Variants in SORL1 observed in about 807,000 individuals in gnomAD.
SORL1 encodes sortilin related receptor 1, also known as sortilin-related receptor.
Under a neutral mutation model 273.7 loss-of-function variants are expected in SORL1, and 127 were observed. The ratio of observed to expected loss-of-function variants is 0.46; its 90% CI spans 0.40 to 0.54. The LOEUF (loss-of-function observed/expected upper bound fraction) is 0.54. SORL1 is among the 20% of genes least tolerant of loss of function. SORL1 has a pLI of 0.00. For missense variants in SORL1, 2,494 were observed against 2,846.1 expected (o/e 0.88, Z 2.81); for synonymous variants, 1,031 against 1,067.4 (o/e 0.97, Z 0.66).
rs2298813 is a variant in SORL1 at position 121,522,975 on chromosome 11, G to T, written c.1582G>T (p.Ala528Ser). The T allele has an allele frequency of 6.2e-7, 1 of 1,613,206 alleles. No individual in the cohort carries two copies. The highest frequency in any genetic ancestry group is 8.5e-7 in the Non-Finnish European group (1 of 1,179,252). Residue 528 changes from alanine to serine, a missense_variant, in exon 11 of 48, where the codon GCC (alanine) becomes TCC (serine). Ala to Ser is a moderately conservative substitution (Grantham distance 99). This residue lies in a region of SORL1 where 710 missense variants were observed against 882.5 expected (regional missense o/e 0.80). Coordinates refer to ENST00000260197, the MANE Select transcript of SORL1 (RefSeq NM_003105.6). ...TNVYISSSAGARWREALPGPH... is the reference protein window; with the variant it reads ...TNVYISSSAGSRWREALPGPH... ...CGTGTACATCTCTAGCAGTGCTGGA[G>T]CCAGGTGGCGAGAGGTCAGCCCCCT...
intron 27 of SORL1, among the ~76,000 whole-genome samples, chr11:121,587,298 C>T (rs1469592709): frequency 1.3e-5 from 2 of 152,198 alleles, no homozygotes; most frequent in African/African-American, 4.8e-5. Flanking sequence ...GGTGAGCCAG[C>T]AGGCTGGAGA....
chr11:121,601,137 A>C (rs540924534), intron 32 of SORL1, among the ~76,000 whole-genome samples: 4 of 146,016 alleles, frequency 2.7e-5, no homozygotes, highest in Non-Finnish European at 6.0e-5. Context: ...ATGAGTGAGA[A>C]TATGTGGTGT....
chr11:121,606,013 C>T (rs1287361982), intron 35 of SORL1, among the ~76,000 whole-genome samples: 1 of 152,188 alleles, frequency 6.6e-6, no homozygotes, highest in Non-Finnish European at 1.5e-5. Context: ...CCTCAGTCTT[C>T]CCAGGCTCAG....
rs768923531 is a variant in SORL1 at position 121,608,186 on chromosome 11, C to T, written c.5239+10C>T. On this transcript the variant is annotated intron_variant, in intron 38 of 47. Coordinates refer to ENST00000260197, the MANE Select transcript of SORL1 (RefSeq NM_003105.6). Reference sequence around the variant, plus strand: ...ACCATAAAAGGAAAAGGTAAATGATCCCAGCATTTGCAGATTTAGAGAAAA... The same window carrying T: ...ACCATAAAAGGAAAAGGTAAATGATTCCAGCATTTGCAGATTTAGAGAAAA... 4 of 1,602,788 alleles carry T rather than the reference C, an allele frequency of 2.5e-6. No individual in the cohort carries two copies. The highest frequency in any genetic ancestry group is 2.6e-6 in the Non-Finnish European group (3 of 1,170,018).
chr11:121,581,267 T>C (rs1010559687), intron 25 of SORL1, among the ~76,000 whole-genome samples: 8 of 152,226 alleles, frequency 5.3e-5, no homozygotes, highest in African/African-American at 1.9e-4. Flanking sequence ...TTCCCTGTTA[T>C]ACTACTTATT....
intron 34 of SORL1, 57 bp from the exon 35 acceptor site, chr11:121,605,345 A>G: frequency 3.8e-6 from 6 of 1,582,564 alleles, no homozygotes; most frequent in Non-Finnish European, 5.2e-6. Flanking sequence ...GGAGTCAGAC[A>G]TCTCAGCCCC....
In SORL1 at chr11:121,595,572, G is replaced by A. The variant is rs1442594389; in HGVS notation, c.4370-51G>A. ...AGCATATTGATTGGTTGCTGTTATT[G>A]GCCAGCTCCCTCAATATTAAAAAGT... On this transcript the variant is annotated intron_variant, in intron 31 of 47. Coordinates refer to ENST00000260197, the MANE Select transcript of SORL1 (RefSeq NM_003105.6). The surrounding 1 kb of genome is among the most constrained non-coding windows in gnomAD (Gnocchi z 5.1). 6.7e-7 allele frequency: 1 copy of A among 1,489,856 alleles called. No homozygotes were observed. Among genetic ancestry groups the A allele is most frequent in the African/African-American group, 1.4e-5 (1 of 71,906 alleles). 92.3% of individuals were successfully genotyped at this position (1,489,856 alleles called of 1,614,324 possible).
At chr11:121,524,024 G>A (rs926312509) in intron 11 of SORL1, among the ~76,000 whole-genome samples, 7 of 152,214 alleles carry the variant, frequency 4.6e-5, no homozygotes, top group African/African-American at 1.7e-4. Flanking sequence ...CATCCCTCCC[G>A]AGGAGAGAGA....
intron 13 of SORL1, among the ~76,000 whole-genome samples, chr11:121,544,154 A>G (rs1286561555): frequency 3.3e-5 from 5 of 152,100 alleles, no homozygotes; most frequent in African/African-American, 1.2e-4. Flanking sequence ...TAGATACAGG[A>G]TGCATAAGTA....
Position 121,596,203 on chromosome 11 carries a change from A to C in SORL1, c.4519+431A>C, listed in dbSNP as rs938242340. 6.6e-6 allele frequency among the ~76,000 whole-genome samples: 1 copy of C among 152,198 alleles called. No homozygotes were observed. Among genetic ancestry groups the C allele is most frequent in the Non-Finnish European group, 1.5e-5 (1 of 68,040 alleles). On this transcript the variant is annotated intron_variant, in intron 32 of 47. Transcript: ENST00000260197. This position sits in a 1 kb window ranked among gnomAD's most constrained non-coding sequence, Gnocchi z 4.3. ...TTTGCCTCTAGCACCCCATTAAGAA[A>C]ATTCATTCTCAGTCCTTAGGGTAAT...
intron 26 of SORL1, among the ~76,000 whole-genome samples, chr11:121,585,753 TG>T (rs1224794207): frequency 6.6e-6 from 1 of 152,224 alleles, no homozygotes; most frequent in Non-Finnish European, 1.5e-5. Context: ...CTTTGCGTAT[TG>T]TTTTGCACCT....
At chr11:121,544,880 C>T (rs1245631638) in intron 13 of SORL1, among the ~76,000 whole-genome samples, 1 of 152,178 alleles carries the variant, frequency 6.6e-6, no homozygotes, top group African/African-American at 2.4e-5. Context: ...GAACATTAAC[C>T]CCCAATGGTA....
intron 22 of SORL1, among the ~76,000 whole-genome samples, chr11:121,568,083 C>G (rs1330184871): frequency 6.6e-6 from 1 of 152,148 alleles, no homozygotes; most frequent in Non-Finnish European, 1.5e-5. Flanking sequence ...GACGAGGTCT[C>G]ACTTTGTTGC....
At chr11:121,568,838 C>T (rs1862791842) in intron 22 of SORL1, among the ~76,000 whole-genome samples, 1 of 152,196 alleles carries the variant, frequency 6.6e-6, no homozygotes, top group Non-Finnish European at 1.5e-5. Flanking sequence ...CCAGCCTCCT[C>T]CTCTCTTTTG....
chr11:121,573,647 G>C (rs1237099304), intron 23 of SORL1, among the ~76,000 whole-genome samples: 4 of 152,172 alleles, frequency 2.6e-5, no homozygotes, highest in Non-Finnish European at 5.9e-5. Flanking sequence ...CTCTCTGACT[G>C]TGATCTCAAG....
intron 1 of SORL1, among the ~76,000 whole-genome samples, chr11:121,463,127 T>C (rs181443547): frequency 1.3e-3 from 192 of 152,284 alleles, no homozygotes; most frequent in Admixed American, 2.4e-3. Flanking sequence ...TTCCTGCACA[T>C]GGCCGTGTGT....
chr11:121,484,841 T>C (rs1279287825), intron 3 of SORL1, among the ~76,000 whole-genome samples: 1 of 152,078 alleles, frequency 6.6e-6, no homozygotes, highest in East Asian at 1.9e-4. Context: ...GCAACCTCTG[T>C]CTCCCAGGTT....
intron 2 of SORL1, among the ~76,000 whole-genome samples, chr11:121,471,646 C>A (rs573536643): frequency 6.6e-6 from 1 of 152,208 alleles, no homozygotes; most frequent in Non-Finnish European, 1.5e-5. Flanking sequence ...TTCTTGAATG[C>A]GGATTTGGTC....
At position 121,520,788 on chromosome 11, in the gene SORL1, G is replaced by A. The variant is rs762172044; in HGVS notation, c.1343G>A (p.Gly448Glu). The change falls in exon 9 of 48, where the codon GGA becomes GAA. Residue 448 changes from glycine (G) to glutamate (E), a missense_variant. Coordinates refer to ENST00000260197, the MANE Select transcript of SORL1 (RefSeq NM_003105.6). ...TCGGTCATCACCTTTGACAAAGGGG[G>A]AACCTGGGAGTTTCTTCAGGCTCCA... ...MRSVITFDKG[G>E]TWEFLQAPAF... 1.9e-6 allele frequency: 3 copies of A among 1,612,510 alleles called. No individual in the cohort carries two copies. Among genetic ancestry groups the A allele is most frequent in the South Asian group, 1.1e-5 (1 of 90,610 alleles).
Sources: gnomAD v4.1 joint callset for allele counts (sites outside exome capture counted in the v4.1 genomes callset) on GRCh38, gnomAD v4.1.1 for gene constraint, gnomAD v4.1.1 regional missense constraint, Gnocchi (gnomAD v3.1) non-coding constraint, MANE v1.5 for transcripts, NCBI Gene and HGNC (gene_info 2026-07-23, HGNC 2026-07-21) for gene names.